Variants in WRN observed in about 807,000 individuals in gnomAD.
WRN encodes WRN RecQ like helicase, also known as bifunctional 3'-5' exonuclease/ATP-dependent helicase WRN.
A neutral mutation model predicts 180.7 loss-of-function variants in WRN; 149 were observed. The observed-to-expected ratio is 0.82, with a 90% CI of 0.72 to 0.94. The LOEUF (loss-of-function observed/expected upper bound fraction) is 0.94, where lower values mean the gene tolerates loss of function less well. Among genes scored for constraint, WRN ranks in the 40% least tolerant of loss-of-function variants. The probability of loss-of-function intolerance (pLI) is 0.00; values close to 1 mark genes in which losing one functional copy is unlikely to be tolerated. For missense variants in WRN, 1,661 were observed against 1,700.1 expected, an observed-to-expected ratio of 0.98 and a Z score of 0.40; for synonymous variants, 548 against 568.9, an observed-to-expected ratio of 0.96 and a Z score of 0.52.
intron 13 of WRN, among the ~76,000 whole-genome samples, chr8:31,089,742 T>A (rs1813669620): frequency 6.6e-6 from 1 of 151,920 alleles, no homozygotes; most frequent in Admixed American, 6.6e-5. Flanking sequence ...TTAAGAAAAT[T>A]TTCTAAGATG....
At position 31,037,278 on chromosome 8, in the gene WRN, T is replaced by G. The variant is rs552479054; in HGVS notation, c.-77+3305T>G. On this transcript the variant is annotated intron_variant, in intron 1 of 34. Transcript: ENST00000298139. ...AGTAGGTTTTGCGCTGCTATGAGAA[T>G]CTAATGCCACCGTTGATGTGTCAGG... 2.0e-5 allele frequency among the ~76,000 whole-genome samples: 3 copies of G among 152,268 alleles called. No individual in the cohort carries two copies. The South Asian group carries it at 6.2e-4, about 32-fold the overall frequency.
intron 20 of WRN, chr8:31,119,996 G>T: frequency 2.1e-6 from 1 of 476,310 alleles, no homozygotes; most frequent in Admixed American, 3.4e-5. Context: ...GTATTCATAG[G>T]AGTTCAGATA....
intron 33 of WRN, among the ~76,000 whole-genome samples, chr8:31,162,130 C>A (rs769085967): frequency 5.1e-4 from 77 of 151,518 alleles, no homozygotes; most frequent in Non-Finnish European, 7.8e-4. Flanking sequence ...TTAACCTTAG[C>A]TTACTGTAAT....
At chr8:31,068,141 G>A in intron 6 of WRN, 117 bp from the exon 7 acceptor site, 1 of 731,682 alleles carries the variant, frequency 1.4e-6, no homozygotes, top group East Asian at 2.7e-5. Context: ...ATAATAGGTT[G>A]AATTCCATGT....
chr8:31,067,824 T>G (rs1812770691), intron 6 of WRN, among the ~76,000 whole-genome samples: 1 of 152,184 alleles, frequency 6.6e-6, no homozygotes, highest in Admixed American at 6.5e-5. Flanking sequence ...CCTTTGCATC[T>G]ATCAAAGGAA....
Position 31,141,785 on chromosome 8 carries a change from T to G in WRN, c.3233+10T>G, listed in dbSNP as rs966321028. On this transcript the variant is annotated intron_variant, in intron 26 of 34. Transcript: ENST00000298139. ...AGTTGCTTCTGCCTAGGTTCATTTT[T>G]CAGTTTTTTTCTTGTAACTTCTGCA... is the stretch of plus-strand genomic sequence containing the variant. The G allele has an allele frequency of 1.9e-6, 3 of 1,612,136 alleles. No individual in the cohort carries two copies. The highest frequency in any genetic ancestry group is 2.5e-6 in the Non-Finnish European group (3 of 1,178,700).
chr8:31,036,188 C>T (rs533676205), intron 1 of WRN, among the ~76,000 whole-genome samples: 107 of 152,324 alleles, frequency 7.0e-4, no homozygotes, highest in Non-Finnish European at 1.3e-3. Flanking sequence ...CTGCAAATGA[C>T]AGGATTTCAT....
chr8:31,059,232 C>A lies in WRN; in HGVS notation c.176C>A (p.Ala59Asp), dbSNP rs759022881. Residue 59 changes from alanine to aspartate, a missense_variant, in exon 3 of 35, where the codon GCT becomes GAT. Ala to Asp is a moderately radical substitution (Grantham distance 126). Transcript: ENST00000298139. Reference protein sequence around the residue: ...FTGSIVYSYDASDCSFLSEDI... With the variant: ...FTGSIVYSYDDSDCSFLSEDI... ...GGATCCATTGTGTATAGTTACGATG[C>A]TAGTGATTGCTCTTTCCTGTCAGAA... is the stretch of plus-strand genomic sequence containing the variant. The A allele has an allele frequency of 6.2e-7, 1 of 1,613,722 alleles. No homozygotes were observed.
intron 3 of WRN, among the ~76,000 whole-genome samples, chr8:31,063,447 A>G (rs1474073983): frequency 6.6e-6 from 1 of 152,232 alleles, no homozygotes; most frequent in Non-Finnish European, 1.5e-5. Flanking sequence ...ATGTCTGTAC[A>G]CATCTGAGGG....
At chr8:31,036,014 C>G (rs1244233865) in intron 1 of WRN, among the ~76,000 whole-genome samples, 1 of 152,150 alleles carries the variant, frequency 6.6e-6, no homozygotes, top group East Asian at 1.9e-4. Context: ...TCTCTTCATT[C>G]CCACCACCCA....
intron 17 of WRN, among the ~76,000 whole-genome samples, chr8:31,097,652 G>T (rs1814044937): frequency 6.6e-6 from 1 of 152,148 alleles, no homozygotes; most frequent in African/African-American, 2.4e-5. Flanking sequence ...GGTGGTGCAT[G>T]CCCATAGTCC....
chr8:31,034,963 C>A (rs567965436), intron 1 of WRN, among the ~76,000 whole-genome samples: 31 of 152,230 alleles, frequency 2.0e-4, no homozygotes, highest in African/African-American at 7.5e-4. Flanking sequence ...CAGCTCAGAC[C>A]GGGAGTGAGA....
chr8:31,115,493 C>T (rs1172107446), intron 19 of WRN, among the ~76,000 whole-genome samples: 1 of 152,054 alleles, frequency 6.6e-6, no homozygotes, highest in Non-Finnish European at 1.5e-5. Context: ...TGACTTTTTA[C>T]TATTATAATG....
At chr8:31,125,998 A>ATATATATATATATATC (rs1267704813) in intron 23 of WRN, among the ~76,000 whole-genome samples, 6 of 145,376 alleles carry the variant, frequency 4.1e-5, no homozygotes, top group African/African-American at 1.5e-4. Flanking sequence ...ATATATATAT[A>ATATATATATATATATC]TCTACTTAAC....
In WRN at chr8:31,123,861, G is replaced by C. The variant is rs574726460; in HGVS notation, c.2631-661G>C. On this transcript the variant is annotated intron_variant, in intron 21 of 34. Transcript: ENST00000298139. The stretch of plus-strand genomic sequence containing the variant: ...ATTAACAGAGTCATGATGAATTATG[G>C]CTGCATTGACTTTAAAAAACAAACA... Among the ~76,000 whole-genome samples, 9 of 152,116 alleles carry C rather than the reference G, an allele frequency of 5.9e-5. No individual in the cohort carries two copies. In the South Asian group the frequency reaches 1.5e-3, roughly 25 times the overall value.
At chr8:31,169,535 G>C (rs1470579781) in intron 34 of WRN, among the ~76,000 whole-genome samples, 1 of 152,088 alleles carries the variant, frequency 6.6e-6, no homozygotes, top group East Asian at 1.9e-4. Context: ...AAAGGCTACA[G>C]TTTTATTCTG....
At chr8:31,124,766 C>G (rs1801854071) in intron 22 of WRN, 142 bp from the exon 23 acceptor site, 1 of 1,195,414 alleles carries the variant, frequency 8.4e-7, no homozygotes, top group Non-Finnish European at 1.2e-6. Context: ...AGGCTAACTT[C>G]TTTGTGTCTG....
Position 31,059,232 on chromosome 8 carries a change from C to T in WRN, c.176C>T (p.Ala59Val), listed in dbSNP as rs759022881. The T allele has an allele frequency of 6.2e-7, 1 of 1,613,722 alleles. No individual in the cohort carries two copies. The highest frequency in any genetic ancestry group is 1.1e-5 in the South Asian group (1 of 91,080). ...GGATCCATTGTGTATAGTTACGATG[C>T]TAGTGATTGCTCTTTCCTGTCAGAA... is the stretch of plus-strand genomic sequence containing the variant. ...FTGSIVYSYDASDCSFLSEDI... is the reference protein window; with the variant it reads ...FTGSIVYSYDVSDCSFLSEDI... Residue 59 changes from alanine (A) to valine (V), a missense_variant, in exon 3 of 35, where the codon GCT becomes GTT. Ala to Val is a moderately conservative substitution (Grantham distance 64). This residue lies in a region of WRN where 500 missense variants were observed against 504.1 expected (regional missense o/e 0.99). Transcript: ENST00000298139.
rs1276357025 is a variant in WRN at position 31,147,855 on chromosome 8, AC to A, written c.3572+383del. 1.8e-4 allele frequency among the ~76,000 whole-genome samples: 26 copies of A among 147,746 alleles called. No individual in the cohort carries two copies. In the East Asian group the frequency reaches 5.1e-3, roughly 29 times the overall value. ...TGAATTTTCTCTCCTCCAATATAAA[AC>A]CCCTTCGTCTTCCTCTTCTTCTTCT... On this transcript the variant is annotated intron_variant, in intron 30 of 34. Transcript: ENST00000298139.
Sources: gnomAD v4.1 joint callset for allele counts (sites outside exome capture counted in the v4.1 genomes callset) on GRCh38, gnomAD v4.1.1 for gene constraint, gnomAD v4.1.1 regional missense constraint, MANE v1.5 for transcripts, NCBI Gene and HGNC (gene_info 2026-07-23, HGNC 2026-07-21) for gene names.